The following PRXL2B variants were observed in gnomAD, a reference collection of about 807,000 sequenced individuals.
PRXL2B encodes prostamide/prostaglandin F synthase.
Under a neutral mutation model 24.4 loss-of-function variants are expected in PRXL2B, and 26 were observed. That is an observed-to-expected ratio of 1.07 (90% CI 0.78 to 1.48). The LOEUF is 1.48. Among genes scored for constraint, PRXL2B ranks in the 40% most tolerant of loss-of-function variants. The pLI is 0.00. For synonymous variants in PRXL2B, 115 were observed against 118.9 expected, an observed-to-expected ratio of 0.97 and a Z score of 0.21; for missense variants, 269 against 264.8, an observed-to-expected ratio of 1.02 and a Z score of -0.11.
rs1236809290 is a variant in PRXL2B, at chr1:2,590,222, C to T, written c.*795C>T. On this transcript the variant is annotated 3_prime_UTR_variant, in exon 7 of 7. Coordinates refer to ENST00000419916, the MANE Select transcript of PRXL2B (RefSeq NM_152371.5). The stretch of plus-strand genomic sequence containing the variant: ...GCACTCCCTAGTCCAGACCTGGGGA[C>T]CACTGTGGGTTCCTGTGGGTCTCCC... The T allele has an allele frequency of 6.6e-6, 1 of 152,544 alleles. No homozygotes were observed. Among genetic ancestry groups the T allele is most frequent in the Non-Finnish European group, 1.5e-5 (1 of 68,142 alleles). 9.4% of individuals were successfully genotyped at this position (152,544 alleles called of 1,614,324 possible).
Position 2,586,790 on chromosome 1 carries a change from G to C in PRXL2B, c.-96G>C. ...GCATCTCGGGGCGGGGCTTGGGGCT[G>C]GATCTATGAGCCGGGAGCGGGGATC... is the stretch of plus-strand genomic sequence containing the variant. On this transcript the variant is annotated 5_prime_UTR_variant, in exon 1 of 7. Transcript: ENST00000419916. 5 of 1,259,914 alleles carry C rather than the reference G, an allele frequency of 4.0e-6. No individual in the cohort carries two copies. Among genetic ancestry groups the C allele is most frequent in the Non-Finnish European group, 5.0e-6 (5 of 1,005,026 alleles). 78.0% of individuals were successfully genotyped at this position (1,259,914 alleles called of 1,614,324 possible). A position where few individuals can be genotyped will look rare whatever the true frequency, so the allele number is the denominator to read the frequency against.
chr1:2,586,865 C>G lies in PRXL2B; in HGVS notation c.-21C>G. The G allele has an allele frequency of 2.3e-6, 3 of 1,289,840 alleles. No homozygotes were observed. The highest frequency in any genetic ancestry group is 2.9e-6 in the Non-Finnish European group (3 of 1,019,462). 79.9% of individuals were successfully genotyped at this position (1,289,840 alleles called of 1,614,324 possible). A position where few individuals can be genotyped will look rare whatever the true frequency, so the allele number is the denominator to read the frequency against. ...GAACAGGGAGTCGGGGAGCCGGGAACCAGGGCTGGCAGCGGCCGCCATGAG... is the reference window on the plus strand; with the variant it reads ...GAACAGGGAGTCGGGGAGCCGGGAAGCAGGGCTGGCAGCGGCCGCCATGAG... On this transcript the variant is annotated 5_prime_UTR_variant, in exon 1 of 7. Transcript: ENST00000419916.
chr1:2,588,197 C>T (rs1359553365), intron 3 of PRXL2B, 193 bp from the exon 4 acceptor site: 1 of 728,434 alleles, frequency 1.4e-6, no homozygotes, highest in Non-Finnish European at 2.3e-6. Flanking sequence ...CGGCTAGCAG[C>T]CACTGGGCTC....
Position 2,587,340 on chromosome 1 carries a change from A to T in PRXL2B, c.268+45A>T. ...GCGGCGGCGCACATACCCTTCCCTA[A>T]GCTCAGGGCGTTCGGGGCCCTTTCC... On this transcript the variant is annotated intron_variant, in intron 2 of 6. Transcript: ENST00000419916. This position sits in a 1 kb window ranked among gnomAD's most constrained non-coding sequence, Gnocchi z 6.1. The T allele has an allele frequency of 6.5e-7, 1 of 1,532,008 alleles. No individual in the cohort carries two copies. 94.9% of individuals were successfully genotyped at this position (1,532,008 alleles called of 1,614,324 possible).
At chr1:2,588,481 C>T (rs367602790) in intron 4 of PRXL2B, 28 bp downstream of exon 4, 32 of 1,613,512 alleles carry the variant, frequency 2.0e-5, no homozygotes, top group South Asian at 1.2e-4. Flanking sequence ...GTGTACAGGC[C>T]GGGGGGTGGT....
At position 2,591,427 on chromosome 1, in the gene PRXL2B, T is replaced by C. The variant is rs905827669; in HGVS notation, c.*2000T>C. ...CTGACCGAAATCGGCCAGAAGCCCC[T>C]CTCAGGTTTATTCCCAAAATAAACC... On this transcript the variant is annotated 3_prime_UTR_variant, in exon 7 of 7. Coordinates refer to ENST00000419916, the MANE Select transcript of PRXL2B (RefSeq NM_152371.5). The C allele has an allele frequency of 9.1e-6, 7 of 770,138 alleles. No individual in the cohort carries two copies. The highest frequency in any genetic ancestry group is 2.5e-5 in the East Asian group (1 of 40,162). The allele number at this position is 770,138 out of a possible 1,614,324, so 47.7% of individuals were successfully genotyped here.
rs1307465955 is a variant in PRXL2B at position 2,587,332 on chromosome 1, C to G, written c.268+37C>G. On this transcript the variant is annotated intron_variant, in intron 2 of 6. Transcript: ENST00000419916. This position sits in a 1 kb window ranked among gnomAD's most constrained non-coding sequence, Gnocchi z 6.1. ...TCCCCGCCGCGGCGGCGCACATACC[C>G]TTCCCTAAGCTCAGGGCGTTCGGGG... 1.3e-6 allele frequency: 2 copies of G among 1,536,998 alleles called. No homozygotes were observed. Among genetic ancestry groups the G allele is most frequent in the African/African-American group, 1.4e-5 (1 of 73,138 alleles).
At position 2,589,924 on chromosome 1, in the gene PRXL2B, TGG is replaced by T. The variant is rs1644639531; in HGVS notation, c.*500_*501del. The T allele has an allele frequency of 6.0e-6, 1 of 165,832 alleles. No individual in the cohort carries two copies. The highest frequency in any genetic ancestry group is 2.4e-5 in the African/African-American group (1 of 41,800). 10.3% of individuals were successfully genotyped at this position (165,832 alleles called of 1,614,324 possible). On this transcript the variant is annotated 3_prime_UTR_variant, in exon 7 of 7. Transcript: ENST00000419916. ...CAGAGATGGGCTTGATTCCACCTGG[TGG>T]GGTGGGTGGACCCTGGAGACTCTCA...
At position 2,587,918 on chromosome 1, in the gene PRXL2B, C is replaced by A. The variant is rs1291802703; in HGVS notation, c.320+126C>A. The A allele has an allele frequency of 3.6e-6, 4 of 1,116,186 alleles. No individual in the cohort carries two copies. Among genetic ancestry groups the A allele is most frequent in the Non-Finnish European group, 5.1e-6 (4 of 789,068 alleles). The allele number at this position is 1,116,186 out of a possible 1,614,324, so 69.1% of individuals were successfully genotyped here. A position where few individuals can be genotyped will look rare whatever the true frequency, so the allele number is the denominator to read the frequency against. Reference sequence around the variant, plus strand: ...TCCACTCGGGCCTTCCTGGGCAAGGCGGCTCTGGTGGCACTGTTGACCAGC... The same window carrying A: ...TCCACTCGGGCCTTCCTGGGCAAGGAGGCTCTGGTGGCACTGTTGACCAGC... On this transcript the variant is annotated intron_variant, in intron 3 of 6. Coordinates refer to ENST00000419916, the MANE Select transcript of PRXL2B (RefSeq NM_152371.5). This position sits in a 1 kb window ranked among gnomAD's most constrained non-coding sequence, Gnocchi z 6.1.
rs1298259058 is a variant in PRXL2B, at chr1:2,587,140, G to T, written c.113G>T (p.Gly38Val). ...CGGGAGCACGCGTGCGTGGTGGCCG[G>T]GCTGCGGCGCTTCGGGTGCGTGGTG... The part of the protein sequence containing the change: ...LWREHACVVA[G>V]LRRFGCVVCR... Residue 38 changes from glycine to valine, a missense_variant, in exon 2 of 7, where the codon GGG becomes GTG. Physicochemically the swap from Gly to Val is moderately radical, Grantham distance 109 (BLOSUM62 -3). Transcript: ENST00000419916. The surrounding 1 kb of genome is among the most constrained non-coding windows in gnomAD (Gnocchi z 6.1). 7 of 1,539,434 alleles carry T rather than the reference G, an allele frequency of 4.5e-6. No homozygotes were observed. In the South Asian group the frequency reaches 8.3e-5, roughly 18 times the overall value.
In PRXL2B at chr1:2,589,346, G is replaced by T. The variant is rs1348908717; in HGVS notation, c.580-64G>T. ...GGGAGGGCTGGGGATTGTCCAAGGG[G>T]GCCCTCCAGGCATTTGTCTGATCCA... On this transcript the variant is annotated intron_variant, in intron 6 of 6. Transcript: ENST00000419916. The T allele has an allele frequency of 1.9e-6, 3 of 1,594,342 alleles. No individual in the cohort carries two copies. The Admixed American group carries it at 5.2e-5, about 28-fold the overall frequency.
rs1409637558 is a variant in PRXL2B at position 2,589,994 on chromosome 1, A to T, written c.*567A>T. ...CCCCAAGGCTCTTTACTGATGTCAG[A>T]ATCATTGTTTGCACCTGCTGGGTAT... is the stretch of plus-strand genomic sequence containing the variant. On this transcript the variant is annotated 3_prime_UTR_variant, in exon 7 of 7. Coordinates refer to ENST00000419916, the MANE Select transcript of PRXL2B (RefSeq NM_152371.5). The T allele has an allele frequency of 6.5e-6, 1 of 154,266 alleles. No individual in the cohort carries two copies. The highest frequency in any genetic ancestry group is 1.4e-5 in the Non-Finnish European group (1 of 69,476). 9.6% of individuals were successfully genotyped at this position (154,266 alleles called of 1,614,324 possible).
rs758169588 is a variant in PRXL2B, at chr1:2,587,251, C to G, written c.224C>G (p.Ala75Gly). 1 of 1,578,400 alleles carries G rather than the reference C, an allele frequency of 6.3e-7. No individual in the cohort carries two copies. ...CGCCTGGTGGGCGTAGGGCCCGAGG[C>G]CCTGGGTCTGCAGGAGTTCCTGGAC... is the stretch of plus-strand genomic sequence containing the variant. ...GVRLVGVGPE[A>G]LGLQEFLDGD... Residue 75 changes from alanine to glycine, a missense_variant, in exon 2 of 7, where the codon GCC becomes GGC. Coordinates refer to ENST00000419916, the MANE Select transcript of PRXL2B (RefSeq NM_152371.5). This position sits in a 1 kb window ranked among gnomAD's most constrained non-coding sequence, Gnocchi z 6.1.
Position 2,587,637 on chromosome 1 carries a change from G to C in PRXL2B, c.269-104G>C. The C allele has an allele frequency of 7.4e-7, 1 of 1,351,496 alleles. No individual in the cohort carries two copies. The highest frequency in any genetic ancestry group is 1.0e-6 in the Non-Finnish European group (1 of 966,644). The allele number at this position is 1,351,496 out of a possible 1,614,324, so 83.7% of individuals were successfully genotyped here. On this transcript the variant is annotated intron_variant, in intron 2 of 6. Coordinates refer to ENST00000419916, the MANE Select transcript of PRXL2B (RefSeq NM_152371.5). This position sits in a 1 kb window ranked among gnomAD's most constrained non-coding sequence, Gnocchi z 6.1. ...GGGGTGGGCTGAGCACGGAGGGTGG[G>C]CAGAGGAACAGAGGGTCGGAAGGAG...
At position 2,587,096 on chromosome 1, in the gene PRXL2B, G is replaced by T; in HGVS notation, c.69G>T (p.Val23=). The change falls in exon 2 of 7, where the codon GTG becomes GTT. Residue 23 remains valine (V), a synonymous_variant. Coordinates refer to ENST00000419916, the MANE Select transcript of PRXL2B (RefSeq NM_152371.5). The surrounding 1 kb of genome is among the most constrained non-coding windows in gnomAD (Gnocchi z 6.1). The part of the protein sequence containing the change: ...ILKHAVTGEA[V]ELRSLWREHA... ...ATGACCCAGCCGCCCGGCAGGCCGT[G>T]GAGCTGCGGAGCCTGTGGCGGGAGC... is the stretch of plus-strand genomic sequence containing the variant. The T allele has an allele frequency of 1.3e-6, 2 of 1,533,312 alleles. No individual in the cohort carries two copies. The highest frequency in any genetic ancestry group is 1.4e-5 in the African/African-American group (1 of 71,880). 95.0% of individuals were successfully genotyped at this position (1,533,312 alleles called of 1,614,324 possible).
Position 2,588,615 on chromosome 1 carries a change from G to A in PRXL2B, c.450G>A (p.Val150=). The A allele has an allele frequency of 6.2e-7, 1 of 1,613,974 alleles. No homozygotes were observed. Among genetic ancestry groups the A allele is most frequent in the Non-Finnish European group, 8.5e-7 (1 of 1,179,968 alleles). ...GDLLQSGGLL[V]VSKGGDKVLL... ...TGCTGCAGAGCGGAGGGCTGCTGGT[G>A]GTCAGCAAAGGTGGGTCGAGGGAGG... The change falls in exon 5 of 7, where the codon GTG becomes GTA. Residue 150 remains valine (V), a synonymous_variant. Coordinates refer to ENST00000419916, the MANE Select transcript of PRXL2B (RefSeq NM_152371.5).
rs1450660380 is a variant in PRXL2B, at chr1:2,588,963, G to C, written c.502G>C (p.Gly168Arg). Residue 168 changes from glycine to arginine, a missense_variant, in exon 6 of 7, where the codon GGC (glycine) becomes CGC (arginine). By Grantham distance (125) the Gly-to-Arg change is moderately radical. Transcript: ENST00000419916. ...VLLHFVQKSP[G>R]DYVPKEHILQ... Reference sequence around the variant, plus strand: ...CCTGCATTTCGTCCAGAAGTCCCCAGGCGACTACGTCCCCAAGGAGCACAT... The same window carrying C: ...CCTGCATTTCGTCCAGAAGTCCCCACGCGACTACGTCCCCAAGGAGCACAT... The C allele has an allele frequency of 6.2e-7, 1 of 1,613,378 alleles. No individual in the cohort carries two copies. Among genetic ancestry groups the C allele is most frequent in the Admixed American group, 1.7e-5 (1 of 60,028 alleles).
Position 2,589,414 on chromosome 1 carries a change from A to G in PRXL2B, c.584A>G (p.Asp195Gly). 1 of 1,613,594 alleles carries G rather than the reference A, an allele frequency of 6.2e-7. No individual in the cohort carries two copies. The highest frequency in any genetic ancestry group is 8.5e-7 in the Non-Finnish European group (1 of 1,179,850). The change falls in exon 7 of 7, where the codon GAC (aspartate) becomes GGC (glycine). Residue 195 changes from aspartate (D) to glycine (G), a missense_variant. Coordinates refer to ENST00000419916, the MANE Select transcript of PRXL2B (RefSeq NM_152371.5). The stretch of plus-strand genomic sequence containing the variant: ...GGGACCCTGCTGTCCCCACAGTGTG[A>G]CAGAGAGGTGTGAGGGAGGCGAAGG... ...EVCASDPPQC[D>G]REV
Position 2,587,331 on chromosome 1 carries a change from C to T in PRXL2B, c.268+36C>T. On this transcript the variant is annotated intron_variant, in intron 2 of 6. Transcript: ENST00000419916. This position sits in a 1 kb window ranked among gnomAD's most constrained non-coding sequence, Gnocchi z 6.1. The stretch of plus-strand genomic sequence containing the variant: ...TTCCCCGCCGCGGCGGCGCACATAC[C>T]CTTCCCTAAGCTCAGGGCGTTCGGG... 3.9e-6 allele frequency: 6 copies of T among 1,538,564 alleles called. No homozygotes were observed. Among genetic ancestry groups the T allele is most frequent in the Non-Finnish European group, 5.2e-6 (6 of 1,147,556 alleles).
Sources: gnomAD v4.1 joint callset for allele counts on GRCh38, gnomAD v4.1.1 for gene constraint, Gnocchi (gnomAD v3.1) non-coding constraint, MANE v1.5 for transcripts, NCBI Gene and HGNC (gene_info 2026-07-23, HGNC 2026-07-21) for gene names.